ARHGDIB: variants seen among roughly 807,000 people sequenced by gnomAD.
ARHGDIB encodes the protein rho GDP-dissociation inhibitor 2.
In ARHGDIB, 20 loss-of-function variants were observed where a neutral mutation model predicts 22.6. That is an observed-to-expected ratio of 0.88 (90% confidence interval 0.62 to 1.28). ARHGDIB has a LOEUF of 1.28. Among genes scored for constraint, ARHGDIB ranks in the 50% most tolerant of loss-of-function variants. The probability of loss-of-function intolerance (pLI) is 0.00; values close to 1 mark genes in which losing one functional copy is unlikely to be tolerated. For synonymous variants in ARHGDIB, 114 were observed against 96.1 expected, an observed-to-expected ratio of 1.19 and a Z score of -1.09; for missense variants, 254 against 245.4, an observed-to-expected ratio of 1.04 and a Z score of -0.23.
intron 4 of ARHGDIB, among the ~76,000 whole-genome samples, chr12:14,946,855 T>TA (rs1173503000): frequency 6.6e-6 from 1 of 152,234 alleles, no homozygotes; most frequent in African/African-American, 2.4e-5. Flanking sequence ...CATATTTTGA[T>TA]ATAATGCCTT....
intron 1 of ARHGDIB, among the ~76,000 whole-genome samples, chr12:14,960,980 C>A (rs941388626): frequency 6.6e-6 from 1 of 152,218 alleles, no homozygotes; most frequent in Non-Finnish European, 1.5e-5. Context: ...GGGAGGATTT[C>A]ATTATGCATT....
In ARHGDIB at chr12:14,948,015, T is replaced by A. The variant is rs777341012; in HGVS notation, c.266-66A>T. The A allele has an allele frequency of 1.4e-4, 197 of 1,393,978 alleles. 1 individual carries two copies. The highest frequency in any genetic ancestry group is 5.3e-4 in the Middle Eastern group (3 of 5,620). The allele number at this position is 1,393,978 out of a possible 1,614,324, so 86.4% of individuals were successfully genotyped here. On this transcript the variant is annotated intron_variant, in intron 3 of 5. Transcript: ENST00000228945. ...GATACACAAGTTAATAAATGACTTT[T>A]AAGTCCCGGAAAAATTTGTTGGGCC...
intron 1 of ARHGDIB, among the ~76,000 whole-genome samples, chr12:14,956,838 A>T (rs1301654575): frequency 6.6e-6 from 1 of 152,216 alleles, no homozygotes; most frequent in African/African-American, 2.4e-5. Flanking sequence ...TCTCAGGCTC[A>T]ATTAAAATGT....
Position 14,949,898 on chromosome 12 carries a change from A to G in ARHGDIB, c.182-13T>C. 6.2e-7 allele frequency: 1 copy of G among 1,611,150 alleles called. No individual in the cohort carries two copies. Among genetic ancestry groups the G allele is most frequent in the African/African-American group, 1.3e-5 (1 of 74,902 alleles). On this transcript the variant is annotated splice_polypyrimidine_tract_variant and intron_variant, in intron 2 of 5. Transcript: ENST00000228945. ...GGGGCTTTCGGATCTGCAGGATCGA[A>G]AGGGAATGTAAGTACCAAGAAGAGA...
intron 1 of ARHGDIB, among the ~76,000 whole-genome samples, chr12:14,958,155 G>T (rs1045645481): frequency 2.0e-5 from 3 of 152,116 alleles, no homozygotes; most frequent in Admixed American, 1.3e-4. Context: ...TGGCAATTTG[G>T]TGTATTACGG....
In ARHGDIB at chr12:14,949,816, G is replaced by A. The variant is rs1306567605; in HGVS notation, c.251C>T (p.Thr84Ile). Reference protein sequence around the residue: ...LVCESAPGPITMDLTGDLEAL... With the variant: ...LVCESAPGPIIMDLTGDLEAL... ...TGTCTACATACCAGTAAGGTCCATG[G>A]TGATTGGTCCCGGGGCACTCTCACA... Residue 84 changes from threonine (T) to isoleucine (I), a missense_variant, in exon 3 of 6, where the codon ACC becomes ATC. Coordinates refer to ENST00000228945, the MANE Select transcript of ARHGDIB (RefSeq NM_001175.7). 1.9e-6 allele frequency: 3 copies of A among 1,613,618 alleles called. No homozygotes were observed. Among genetic ancestry groups the A allele is most frequent in the East Asian group, 2.2e-5 (1 of 44,854 alleles).
intron 1 of ARHGDIB, among the ~76,000 whole-genome samples, chr12:14,958,373 A>G (rs1036881397): frequency 1.3e-5 from 2 of 152,240 alleles, no homozygotes; most frequent in African/African-American, 2.4e-5. Context: ...GTAAGAGACA[A>G]TAAATATTGT....
chr12:14,952,053 T>A (rs937916081), intron 1 of ARHGDIB, among the ~76,000 whole-genome samples: 1 of 152,152 alleles, frequency 6.6e-6, no homozygotes, highest in Non-Finnish European at 1.5e-5. Context: ...CTCTTTTCCC[T>A]GCCTGTGGTT....
chr12:14,952,277 C>CAAAAAAAAA (rs3084566), intron 1 of ARHGDIB, among the ~76,000 whole-genome samples: 1 of 127,346 alleles, frequency 7.9e-6, no homozygotes, highest in Non-Finnish European at 1.6e-5. Flanking sequence ...TTAATGGAAC[C>CAAAAAAAAA]AAAAAAAAAA....
intron 1 of ARHGDIB, among the ~76,000 whole-genome samples, chr12:14,959,348 G>A (rs1864365319): frequency 1.3e-5 from 2 of 152,120 alleles, no homozygotes. Context: ...AGCCTCCTGA[G>A]TAGGTAGGAC....
At chr12:14,959,845 G>C (rs1864376025) in intron 1 of ARHGDIB, among the ~76,000 whole-genome samples, 1 of 152,220 alleles carries the variant, frequency 6.6e-6, no homozygotes, top group South Asian at 2.1e-4. Context: ...CATCTGTGAA[G>C]CATGGATGGA....
intron 1 of ARHGDIB, among the ~76,000 whole-genome samples, chr12:14,954,649 C>T (rs765479632): frequency 7.9e-5 from 12 of 152,342 alleles, no homozygotes; most frequent in South Asian, 6.2e-4. Context: ...TAGAGCACAT[C>T]ATCTTTAGAT....
chr12:14,946,024 A>T lies in ARHGDIB; in HGVS notation c.343-1185T>A, dbSNP rs1386860572. Among the ~76,000 whole-genome samples, 3 of 152,244 alleles carry T rather than the reference A, an allele frequency of 2.0e-5. No individual in the cohort carries two copies. In the South Asian group the frequency reaches 6.2e-4, roughly 31 times the overall value. The stretch of plus-strand genomic sequence containing the variant: ...CTAAGAAGAAGAATTATATTGGTGT[A>T]GCAATAAGGACTTCAAGACAAAGAG... On this transcript the variant is annotated intron_variant, in intron 4 of 5. Transcript: ENST00000228945.
In ARHGDIB at chr12:14,944,600, G is replaced by A. The variant is rs74068200; in HGVS notation, c.406+176C>T. On this transcript the variant is annotated intron_variant, in intron 5 of 5. Coordinates refer to ENST00000228945, the MANE Select transcript of ARHGDIB (RefSeq NM_001175.7). ...ATGCAGTCTAAACGAGGTCCCCTGAGCATTGGCCTTGTCAATGTCTATATC... is the reference window on the plus strand; with the variant it reads ...ATGCAGTCTAAACGAGGTCCCCTGAACATTGGCCTTGTCAATGTCTATATC... Among the ~76,000 whole-genome samples, 535 of 152,334 alleles carry A rather than the reference G, an allele frequency of 3.5e-3. 4 individuals carry two copies. The highest frequency in any genetic ancestry group is 0.012 in the African/African-American group (489 of 41,558).
At position 14,947,806 on chromosome 12, in the gene ARHGDIB, A is replaced by G. The variant is rs113520553; in HGVS notation, c.342+67T>C. Reference sequence around the variant, plus strand: ...AAAAGTACCTCAACATGATCATGCAAGAAATGTAGTCACTGATTAAAGAAA... The same window carrying G: ...AAAAGTACCTCAACATGATCATGCAGGAAATGTAGTCACTGATTAAAGAAA... On this transcript the variant is annotated intron_variant, in intron 4 of 5. Transcript: ENST00000228945. The G allele has an allele frequency of 5.3e-3, 7,073 of 1,322,182 alleles. 180 individuals carry two copies. Among genetic ancestry groups the G allele is most frequent in the South Asian group, 0.052 (4,353 of 84,420 alleles). The allele number at this position is 1,322,182 out of a possible 1,614,324, so 81.9% of individuals were successfully genotyped here.
chr12:14,959,513 C>A (rs75808810), intron 1 of ARHGDIB, among the ~76,000 whole-genome samples: 2,818 of 152,290 alleles, frequency 0.019, 37 homozygotes, highest in Middle Eastern at 0.048. Context: ...CCAGGCCTGA[C>A]ACATAGAAGG....
chr12:14,950,319 T>A (rs1251012842), intron 2 of ARHGDIB, among the ~76,000 whole-genome samples: 1 of 152,246 alleles, frequency 6.6e-6, no homozygotes, highest in Non-Finnish European at 1.5e-5. Context: ...CTGTGTGTTA[T>A]GTGTGCCTAT....
intron 4 of ARHGDIB, among the ~76,000 whole-genome samples, chr12:14,947,400 G>C (rs1261507671): frequency 2.0e-5 from 3 of 152,168 alleles, no homozygotes; most frequent in Non-Finnish European, 2.9e-5. Flanking sequence ...AATTAGAGCT[G>C]AGGCCCTGTC....
intron 1 of ARHGDIB, among the ~76,000 whole-genome samples, chr12:14,960,755 G>A (rs1287521352): frequency 5.3e-5 from 8 of 152,090 alleles, no homozygotes; most frequent in Non-Finnish European, 8.8e-5. Flanking sequence ...TACCCGCCTC[G>A]GCCTCCCAAA....
Sources: allele counts gnomAD v4.1 joint callset (sites outside exome capture counted in the v4.1 genomes callset), GRCh38; gene constraint gnomAD v4.1.1; transcripts MANE v1.5; gene names NCBI Gene and HGNC (gene_info 2026-07-23, HGNC 2026-07-21).